Variants in MYCBP2 observed in about 807,000 individuals in gnomAD.
The protein encoded by MYCBP2 is MYC binding protein 2.
In MYCBP2, 120 loss-of-function variants were observed where a neutral mutation model predicts 525.3. The observed-to-expected ratio is 0.23, with a 90% CI of 0.20 to 0.27. MYCBP2 has a LOEUF of 0.27. MYCBP2 is among the 10% of genes least tolerant of loss of function. The probability of loss-of-function intolerance (pLI) is 1.00; values close to 1 mark genes in which losing one functional copy is unlikely to be tolerated. For synonymous variants in MYCBP2, 1,894 were observed against 1,955.8 expected (o/e 0.97, Z 0.83); for missense variants, 4,149 against 5,657.1 (o/e 0.73, Z 8.55).
At chr13:77,302,571 A>G (rs2078921391) in intron 1 of MYCBP2, among the ~76,000 whole-genome samples, 1 of 152,176 alleles carries the variant, frequency 6.6e-6, no homozygotes, top group Non-Finnish European at 1.5e-5. Flanking sequence ...GACAAAAATA[A>G]AGATGTTTTT....
At chr13:77,182,115 T>G (rs1279996263) in intron 32 of MYCBP2, among the ~76,000 whole-genome samples, 193 bp from the exon 33 acceptor site, 5 of 152,208 alleles carry the variant, frequency 3.3e-5, no homozygotes, top group African/African-American at 1.2e-4. Flanking sequence ...TTCTATTCAA[T>G]GAAGATGAAA....
intron 20 of MYCBP2, among the ~76,000 whole-genome samples, chr13:77,223,584 C>T (rs79332069): frequency 2.6e-5 from 4 of 152,228 alleles, no homozygotes; most frequent in Middle Eastern, 3.4e-3. Flanking sequence ...TTATTTCTCA[C>T]GCAAGAAGCA....
intron 39 of MYCBP2, 90 bp downstream of exon 39, chr13:77,169,524 T>C: frequency 9.1e-7 from 1 of 1,094,216 alleles, no homozygotes; most frequent in Non-Finnish European, 1.4e-6. Context: ...GCCTCAAAGA[T>C]GCAAGTTTTT....
At position 77,045,366 on chromosome 13, in the gene MYCBP2, G is replaced by C; in HGVS notation, c.*12C>G. Reference sequence around the variant, plus strand: ...GCAATTTTTCTCTCTGTAGACAAAGGATCTGCGTGTTCTAAAAAGTGTGGG... The same window carrying C: ...GCAATTTTTCTCTCTGTAGACAAAGCATCTGCGTGTTCTAAAAAGTGTGGG... On this transcript the variant is annotated 3_prime_UTR_variant, in exon 83 of 83. Coordinates refer to ENST00000544440, the MANE Select transcript of MYCBP2 (RefSeq NM_015057.5). 1 of 1,596,802 alleles carries C rather than the reference G, an allele frequency of 6.3e-7. No homozygotes were observed. Among genetic ancestry groups the C allele is most frequent in the Non-Finnish European group, 8.6e-7 (1 of 1,165,546 alleles).
intron 20 of MYCBP2, 108 bp from the exon 21 acceptor site, chr13:77,218,065 AAG>A: frequency 1.5e-6 from 1 of 645,996 alleles, no homozygotes; most frequent in Non-Finnish European, 2.6e-6. Context: ...AGGCACTCAT[AAG>A]AATATTCAGT....
At chr13:77,068,481 C>T (rs1481058492) in intron 70 of MYCBP2, 84 bp downstream of exon 70, 21 of 1,487,228 alleles carry the variant, frequency 1.4e-5, no homozygotes, top group Non-Finnish European at 1.9e-5. Flanking sequence ...ACTTAGGGTC[C>T]TTAGATAATT....
At chr13:77,323,135 T>C (rs1401788704) in intron 1 of MYCBP2, among the ~76,000 whole-genome samples, 4 of 152,194 alleles carry the variant, frequency 2.6e-5, no homozygotes, top group Non-Finnish European at 4.4e-5. Context: ...AGTATTATGA[T>C]CCCCATTCTA....
At chr13:77,260,248 G>A (rs1054012225) in intron 13 of MYCBP2, among the ~76,000 whole-genome samples, 180 bp downstream of exon 13, 5 of 152,166 alleles carry the variant, frequency 3.3e-5, no homozygotes, top group African/African-American at 1.2e-4. Context: ...ACTAGGGACA[G>A]TGCTCCTAGT....
chr13:77,243,106 T>C lies in MYCBP2; in HGVS notation c.2582A>G (p.Glu861Gly), dbSNP rs1168279691. 3 of 1,614,040 alleles carry C rather than the reference T, an allele frequency of 1.9e-6. No individual in the cohort carries two copies. In the African/African-American group the frequency reaches 4.0e-5, roughly 22 times the overall value. The stretch of plus-strand genomic sequence containing the variant: ...CCTTCTGATTACACGTTGCCGTTTT[T>C]CTTCTTGTCGTAACTGAAGGTGTTC... ...IEEHLQLRQEEKRQRVIRRHR... is the reference protein window; with the variant it reads ...IEEHLQLRQEGKRQRVIRRHR... The change falls in exon 17 of 83, where the codon GAA becomes GGA. Residue 861 changes from glutamate to glycine, a missense_variant. Coordinates refer to ENST00000544440, the MANE Select transcript of MYCBP2 (RefSeq NM_015057.5).
intron 72 of MYCBP2, 35 bp downstream of exon 72, chr13:77,065,957 C>T (rs2040132232): frequency 1.3e-6 from 2 of 1,518,118 alleles, no homozygotes; most frequent in Non-Finnish European, 1.8e-6. Flanking sequence ...CTTCCTGCCG[C>T]ACTTCACTGC....
At chr13:77,105,717 C>T (rs1271110932) in intron 55 of MYCBP2, among the ~76,000 whole-genome samples, 6 of 151,974 alleles carry the variant, frequency 3.9e-5, no homozygotes, top group Non-Finnish European at 5.9e-5. Flanking sequence ...TATTATATTC[C>T]TCTCCACAAA....
chr13:77,270,245 C>A lies in MYCBP2; in HGVS notation c.1188+51G>T, dbSNP rs1053025890. The A allele has an allele frequency of 1.2e-5, 19 of 1,546,124 alleles. No individual in the cohort carries two copies. The African/African-American group carries it at 2.4e-4, about 19-fold the overall frequency. ...AACTAGAAACACACAGAACACAATTCATTATGGTTATAACTCTGTATAATT... is the reference window on the plus strand; with the variant it reads ...AACTAGAAACACACAGAACACAATTAATTATGGTTATAACTCTGTATAATT... On this transcript the variant is annotated intron_variant, in intron 6 of 82. Transcript: ENST00000544440.
intron 32 of MYCBP2, among the ~76,000 whole-genome samples, chr13:77,184,815 T>TCCC (rs2060572284): frequency 1.3e-5 from 2 of 152,186 alleles, no homozygotes; most frequent in Non-Finnish European, 2.9e-5. Context: ...ATCCCTGCTC[T>TCCC]CCCCTGGTCA....
intron 29 of MYCBP2, 39 bp from the exon 30 acceptor site, chr13:77,189,086 T>C: frequency 7.2e-7 from 1 of 1,397,664 alleles, no homozygotes; most frequent in Non-Finnish European, 9.8e-7. Context: ...TGTTAGAAAG[T>C]CCAATGTCAT....
At chr13:77,310,517 A>G (rs186332918) in intron 1 of MYCBP2, among the ~76,000 whole-genome samples, 5 of 152,304 alleles carry the variant, frequency 3.3e-5, no homozygotes, top group Non-Finnish European at 7.4e-5. Context: ...CAGAGACTCT[A>G]TGGCCCATAA....
chr13:77,068,934 A>G (rs1192424430), intron 69 of MYCBP2, 103 bp from the exon 70 acceptor site: 5 of 1,151,212 alleles, frequency 4.3e-6, no homozygotes, highest in Non-Finnish European at 6.2e-6. Context: ...ATGTAAATTG[A>G]TACTCAATTT....
At chr13:77,106,567 G>C (rs1259157324) in intron 55 of MYCBP2, among the ~76,000 whole-genome samples, 2 of 152,020 alleles carry the variant, frequency 1.3e-5, no homozygotes, top group Non-Finnish European at 2.9e-5. Context: ...CATTCCACTG[G>C]GATGCTACAA....
intron 1 of MYCBP2, among the ~76,000 whole-genome samples, chr13:77,325,280 A>G (rs1474204794): frequency 2.6e-5 from 4 of 152,232 alleles, no homozygotes. Context: ...TTGCACATTC[A>G]ATAAATAACA....
intron 52 of MYCBP2, among the ~76,000 whole-genome samples, chr13:77,135,198 A>G (rs1488760830): frequency 1.3e-5 from 2 of 152,202 alleles, no homozygotes; most frequent in Non-Finnish European, 2.9e-5. Context: ...AGTTAGCAGC[A>G]TTGGTGTTTG....
Sources: allele counts gnomAD v4.1 joint callset (sites outside exome capture counted in the v4.1 genomes callset), GRCh38; gene constraint gnomAD v4.1.1; transcripts MANE v1.5; gene names NCBI Gene and HGNC (gene_info 2026-07-23, HGNC 2026-07-21).